SPECC1L: variants seen among roughly 807,000 people sequenced by gnomAD.
SPECC1L encodes sperm antigen with calponin homology and coiled-coil domains 1 like.
SPECC1L carries 40 observed loss-of-function variants against 116.8 expected under a neutral mutation model. That is an observed-to-expected ratio of 0.34 (90% confidence interval 0.27 to 0.45). The LOEUF (loss-of-function observed/expected upper bound fraction) is 0.45, where lower values mean the gene tolerates loss of function less well. Among genes scored for constraint, SPECC1L ranks in the 20% least tolerant of loss-of-function variants. SPECC1L has a pLI of 1.00. For synonymous variants in SPECC1L, 504 were observed against 500.6 expected (o/e 1.01, Z -0.09); for missense variants, 1,110 against 1,373.6 (o/e 0.81, Z 3.03).
At position 24,367,282 on chromosome 22, in the gene SPECC1L, G is replaced by C. The variant is rs146825384; in HGVS notation, c.2984+1650G>C. ...TTTTTGCATCCATTCACATAACTGT[G>C]TCTTTCTCTTTCCCTGTGGTTTAGT... On this transcript the variant is annotated intron_variant, in intron 13 of 16. Transcript: ENST00000314328. Among the ~76,000 whole-genome samples the C allele has an allele frequency of 7.2e-4, 109 of 152,296 alleles. 1 individual carries two copies. The highest frequency in any genetic ancestry group is 2.5e-3 in the African/African-American group (105 of 41,564).
chr22:24,412,135 T>G, intron 15 of SPECC1L: 1 of 355,874 alleles, frequency 2.8e-6, no homozygotes, highest in South Asian at 2.3e-5. Flanking sequence ...ACACCAACCC[T>G]GTGCACTCCA....
rs367606866 is a variant in SPECC1L, at chr22:24,398,205, C to T, written c.3088-13383C>T. ...TTTGTGTTGTAGAAGGTGGAATCAA[C>T]ACCATCTCAGGGGCAAAGAGCAGGG... is the stretch of plus-strand genomic sequence containing the variant. On this transcript the variant is annotated intron_variant, in intron 14 of 16. Transcript: ENST00000314328. 1.2e-3 allele frequency among the ~76,000 whole-genome samples: 185 copies of T among 152,344 alleles called. No homozygotes were observed. The Middle Eastern group carries it at 0.014, about 11-fold the overall frequency.
intron 4 of SPECC1L, among the ~76,000 whole-genome samples, chr22:24,316,020 A>G (rs750707288): frequency 5.9e-5 from 9 of 152,124 alleles, no homozygotes; most frequent in Non-Finnish European, 1.0e-4. Flanking sequence ...GTGCAGTCAC[A>G]TTTGAGGTTT....
At chr22:24,362,713 C>T (rs1223480409) in intron 11 of SPECC1L, among the ~76,000 whole-genome samples, 2 of 152,146 alleles carry the variant, frequency 1.3e-5, no homozygotes, top group Non-Finnish European at 2.9e-5. Context: ...TCTAGTTCCC[C>T]ACCTCTTTTC....
intron 10 of SPECC1L, among the ~76,000 whole-genome samples, chr22:24,339,479 C>A (rs1007231764): frequency 6.6e-6 from 1 of 152,166 alleles, no homozygotes; most frequent in African/African-American, 2.4e-5. Context: ...AGATGAGAAG[C>A]GGGGCAGAGG....
chr22:24,317,136 T>TG, intron 4 of SPECC1L, among the ~76,000 whole-genome samples: 1 of 93,194 alleles, frequency 1.1e-5, no homozygotes, highest in African/African-American at 4.1e-5. Context: ...GGCGGGGGGC[T>TG]GACCCCCCTA....
At chr22:24,284,345 T>A (rs1224349423) in intron 2 of SPECC1L, among the ~76,000 whole-genome samples, 2 of 152,190 alleles carry the variant, frequency 1.3e-5, no homozygotes, top group African/African-American at 2.4e-5. Context: ...TTCATAGACG[T>A]AGAAGTATGT....
At chr22:24,314,757 T>TC (rs1218238529) in intron 4 of SPECC1L, among the ~76,000 whole-genome samples, 1 of 152,166 alleles carries the variant, frequency 6.6e-6, no homozygotes, top group African/African-American at 2.4e-5. Flanking sequence ...AGGTCCCCTG[T>TC]CCCCCCATTT....
intron 2 of SPECC1L, among the ~76,000 whole-genome samples, chr22:24,283,105 G>T (rs866262851): frequency 6.8e-6 from 1 of 147,864 alleles, no homozygotes; most frequent in Non-Finnish European, 1.5e-5. Flanking sequence ...TTGAGATGGG[G>T]TCTTGTACTG....
At chr22:24,363,072 T>C (rs1463216225) in intron 11 of SPECC1L, among the ~76,000 whole-genome samples, 189 bp from the exon 12 acceptor site, 1 of 152,214 alleles carries the variant, frequency 6.6e-6, no homozygotes, top group East Asian at 1.9e-4. Flanking sequence ...AATGGAATGT[T>C]CTACTGTGTT....
Position 24,334,446 on chromosome 22 carries a change from G to A in SPECC1L, c.2433G>A (p.Met811Ile). The A allele has an allele frequency of 6.2e-7, 1 of 1,614,196 alleles. No homozygotes were observed. Among genetic ancestry groups the A allele is most frequent in the Non-Finnish European group, 8.5e-7 (1 of 1,180,028 alleles). ...AGCGAGGCCGGGTATACAATTACAT[G>A]AATGCCGTTGAGAGAGATTTGGCAG... is the stretch of plus-strand genomic sequence containing the variant. ...EEERGRVYNY[M>I]NAVERDLAAL... is the part of the protein sequence containing the mutation. Residue 811 changes from methionine (M) to isoleucine (I), a missense_variant, in exon 9 of 17, where the codon ATG (methionine) becomes ATA (isoleucine). Transcript: ENST00000314328.
At chr22:24,342,863 C>CG (rs916382772) in intron 10 of SPECC1L, among the ~76,000 whole-genome samples, 6 of 151,794 alleles carry the variant, frequency 4.0e-5, no homozygotes, top group South Asian at 2.1e-4. Flanking sequence ...AAAGGCGGGT[C>CG]GGGGGGCAGA....
chr22:24,388,060 C>A (rs1230182014), intron 14 of SPECC1L, among the ~76,000 whole-genome samples: 1 of 152,008 alleles, frequency 6.6e-6, no homozygotes, highest in Admixed American at 6.5e-5. Flanking sequence ...GGATCCTCTT[C>A]CTGTTCTTAA....
At chr22:24,307,573 G>C (rs1226805533) in intron 3 of SPECC1L, among the ~76,000 whole-genome samples, 2 of 151,690 alleles carry the variant, frequency 1.3e-5, no homozygotes, top group East Asian at 1.9e-4. Context: ...TTTCTTTATG[G>C]GGTATGTGTG....
At chr22:24,336,277 A>G (rs915165238) in intron 9 of SPECC1L, among the ~76,000 whole-genome samples, 1 of 151,878 alleles carries the variant, frequency 6.6e-6, no homozygotes, top group African/African-American at 2.4e-5. Flanking sequence ...ATATATCTAT[A>G]TATACCTATA....
chr22:24,342,220 A>G (rs2041190986), intron 10 of SPECC1L, among the ~76,000 whole-genome samples: 1 of 152,268 alleles, frequency 6.6e-6, no homozygotes, highest in South Asian at 2.1e-4. Flanking sequence ...AGAAGCAGGA[A>G]AATGTCACCT....
intron 14 of SPECC1L, among the ~76,000 whole-genome samples, chr22:24,380,521 A>G (rs2146690917): frequency 6.6e-6 from 1 of 152,324 alleles, no homozygotes; most frequent in East Asian, 1.9e-4. Flanking sequence ...TACCCATATC[A>G]TCTTTCGTTA....
intron 14 of SPECC1L, among the ~76,000 whole-genome samples, chr22:24,369,873 C>A (rs900493932): frequency 6.6e-6 from 1 of 152,114 alleles, no homozygotes; most frequent in Non-Finnish European, 1.5e-5. Context: ...TCTAATTCTC[C>A]ATACAAAAGG....
rs548132319 is a variant in SPECC1L, at chr22:24,415,650, G to A, written c.*1027G>A. On this transcript the variant is annotated 3_prime_UTR_variant, in exon 17 of 17. Transcript: ENST00000314328. ...TAAGACATAATTCTCCTAGGCCAGA[G>A]TTAAAGAAAGTGCCTTAACTCTTCT... 3 of 152,638 alleles carry A rather than the reference G, an allele frequency of 2.0e-5. No homozygotes were observed. The highest frequency in any genetic ancestry group is 7.2e-5 in the African/African-American group (3 of 41,562). 9.5% of individuals were successfully genotyped at this position (152,638 alleles called of 1,614,324 possible).
Sources: gnomAD v4.1 joint callset for allele counts (sites outside exome capture counted in the v4.1 genomes callset) on GRCh38, gnomAD v4.1.1 for gene constraint, MANE v1.5 for transcripts, NCBI Gene and HGNC (gene_info 2026-07-23, HGNC 2026-07-21) for gene names.